Variants in TCF7L2 observed in about 807,000 individuals in gnomAD.
The protein encoded by TCF7L2 is transcription factor 7 like 2.
TCF7L2 carries 23 observed loss-of-function variants against 77.9 expected under a neutral mutation model. The ratio of observed to expected loss-of-function variants is 0.30; its 90% CI spans 0.21 to 0.42. The LOEUF (loss-of-function observed/expected upper bound fraction) is 0.42, where lower values mean the gene tolerates loss of function less well. Ranked by LOEUF, TCF7L2 falls within the 10% of genes least tolerant of loss-of-function variation. TCF7L2 has a pLI of 1.00. For missense variants in TCF7L2, 654 were observed against 793.1 expected (o/e 0.82, Z 2.11); for synonymous variants, 413 against 340.2 (o/e 1.21, Z -2.36).
chr10:113,127,771 A>T (rs889002066), intron 5 of TCF7L2, among the ~76,000 whole-genome samples: 5 of 150,944 alleles, frequency 3.3e-5, no homozygotes, highest in African/African-American at 1.2e-4. Flanking sequence ...GTTTCTGAGG[A>T]GCAGTTTTTA....
At chr10:113,142,138 G>A (rs569218371) in intron 6 of TCF7L2, among the ~76,000 whole-genome samples, 1 of 152,306 alleles carries the variant, frequency 6.6e-6, no homozygotes, top group East Asian at 1.9e-4. Context: ...CCAAGTAGCT[G>A]GGACTACAGG....
chr10:113,118,520 G>GGGTGTGTGTGT (rs1555084613), intron 5 of TCF7L2, among the ~76,000 whole-genome samples: 1 of 141,442 alleles, frequency 7.1e-6, no homozygotes, highest in Admixed American at 7.2e-5. Flanking sequence ...TCATCTGGGG[G>GGGTGTGTGTGT]GTGTGTGTGT....
intron 5 of TCF7L2, among the ~76,000 whole-genome samples, chr10:113,135,157 C>T (rs1466846656): frequency 6.6e-6 from 1 of 152,174 alleles, no homozygotes; most frequent in African/African-American, 2.4e-5. Flanking sequence ...CTTTCACTTG[C>T]CAAGTTCCAA....
chr10:113,142,616 A>G (rs1041249279), intron 6 of TCF7L2, among the ~76,000 whole-genome samples: 1 of 152,132 alleles, frequency 6.6e-6, no homozygotes, highest in Non-Finnish European at 1.5e-5. Flanking sequence ...CTGCCCCTGA[A>G]CGAAGCCACA....
intron 7 of TCF7L2, among the ~76,000 whole-genome samples, chr10:113,145,485 G>GA (rs2069195989): frequency 6.6e-6 from 1 of 151,948 alleles, no homozygotes; most frequent in Admixed American, 6.6e-5. Flanking sequence ...TCTTCTTGGG[G>GA]ACTCTCCCCC....
intron 4 of TCF7L2, among the ~76,000 whole-genome samples, chr10:113,005,305 C>A (rs191757896): frequency 3.8e-4 from 58 of 152,308 alleles, no homozygotes; most frequent in Admixed American, 1.4e-3. Flanking sequence ...GGGAGAAAGA[C>A]TGGGTCTCAG....
intron 4 of TCF7L2, among the ~76,000 whole-genome samples, chr10:112,976,864 A>G (rs536151544): frequency 3.9e-5 from 6 of 152,272 alleles, no homozygotes; most frequent in Non-Finnish European, 8.8e-5. Flanking sequence ...CTTAGAGACT[A>G]TGGCATCATC....
At chr10:113,116,997 C>G (rs2063807482) in intron 5 of TCF7L2, among the ~76,000 whole-genome samples, 1 of 152,108 alleles carries the variant, frequency 6.6e-6, no homozygotes, top group Non-Finnish European at 1.5e-5. Context: ...TCATTGCAGT[C>G]AAATCACAAG....
chr10:112,978,575 C>T (rs1293856081), intron 4 of TCF7L2, among the ~76,000 whole-genome samples: 2 of 151,486 alleles, frequency 1.3e-5, no homozygotes, highest in Non-Finnish European at 2.9e-5. Flanking sequence ...ATGCGATTCT[C>T]CTGCCTCAGC....
chr10:112,973,750 C>T (rs926375758), intron 4 of TCF7L2, among the ~76,000 whole-genome samples: 3 of 152,062 alleles, frequency 2.0e-5, no homozygotes, highest in Admixed American at 6.6e-5. Flanking sequence ...CCACCACGCC[C>T]TGGCTAATTT....
At chr10:112,993,665 A>G (rs1233359887) in intron 4 of TCF7L2, among the ~76,000 whole-genome samples, 1 of 152,222 alleles carries the variant, frequency 6.6e-6, no homozygotes, top group African/African-American at 2.4e-5. Flanking sequence ...ACAGTGTTGG[A>G]CGATGAATCC....
At chr10:112,980,662 C>T (rs189685302) in intron 4 of TCF7L2, among the ~76,000 whole-genome samples, 304 of 150,402 alleles carry the variant, frequency 2.0e-3, no homozygotes, top group African/African-American at 7.0e-3. Context: ...CTCACTCTGT[C>T]GCCCAGCCTG....
chr10:113,048,048 G>T (rs962498866), intron 5 of TCF7L2, among the ~76,000 whole-genome samples: 1 of 152,168 alleles, frequency 6.6e-6, no homozygotes, highest in African/African-American at 2.4e-5. Flanking sequence ...TCTTGACTCT[G>T]CAGGGGGCTT....
In TCF7L2 at chr10:113,165,989, C is replaced by T. The variant is rs2074024054; in HGVS notation, c.*17C>T. On this transcript the variant is annotated 3_prime_UTR_variant, in exon 14 of 14. Coordinates refer to ENST00000627217, the MANE Select transcript of TCF7L2 (RefSeq NM_001146274.2). ...TTAGAATAGCTTTAGCGTCGTGAAC[C>T]CCGCTGCTTTGTTTATGGTTTTGTT... is the stretch of plus-strand genomic sequence containing the variant. The T allele has an allele frequency of 6.8e-7, 1 of 1,468,842 alleles. No individual in the cohort carries two copies. The highest frequency in any genetic ancestry group is 9.0e-7 in the Non-Finnish European group (1 of 1,107,366). 91.0% of individuals were successfully genotyped at this position (1,468,842 alleles called of 1,614,324 possible).
chr10:112,963,123 T>C (rs1273753822), intron 3 of TCF7L2, among the ~76,000 whole-genome samples: 1 of 152,190 alleles, frequency 6.6e-6, no homozygotes, highest in South Asian at 2.1e-4. Flanking sequence ...TAATGTTTTC[T>C]ATTTGTTTAT....
At chr10:113,107,039 T>C (rs2062417846) in intron 5 of TCF7L2, among the ~76,000 whole-genome samples, 1 of 152,234 alleles carries the variant, frequency 6.6e-6, no homozygotes, top group Non-Finnish European at 1.5e-5. Flanking sequence ...CTTCTGCCCT[T>C]AGCACTCCCA....
intron 4 of TCF7L2, among the ~76,000 whole-genome samples, chr10:112,986,828 G>A (rs1024152683): frequency 9.9e-5 from 15 of 152,134 alleles, no homozygotes; most frequent in Non-Finnish European, 1.8e-4. Context: ...GGGCATACTG[G>A]ATCCCTGTTT....
Position 113,141,271 on chromosome 10 carries a change from G to A in TCF7L2, c.640G>A (p.Gly214Arg), listed in dbSNP as rs2136840982. The change falls in exon 6 of 14, where the codon GGA (glycine) becomes AGA (arginine). Residue 214 changes from glycine (G) to arginine (R), a missense_variant. Coordinates refer to ENST00000627217, the MANE Select transcript of TCF7L2 (RefSeq NM_001146274.2). ...GTACAGCAATGAACACTTCACGCCGGGAAACCCACCTCCACACTTACCAGC... is the reference window on the plus strand; with the variant it reads ...GTACAGCAATGAACACTTCACGCCGAGAAACCCACCTCCACACTTACCAGC... 6.2e-7 allele frequency: 1 copy of A among 1,614,096 alleles called. No homozygotes were observed. Among genetic ancestry groups the A allele is most frequent in the Admixed American group, 1.7e-5 (1 of 60,012 alleles).
chr10:112,990,629 T>C lies in TCF7L2; in HGVS notation c.450+26005T>C, dbSNP rs114298148. Among the ~76,000 whole-genome samples the C allele has an allele frequency of 3.6e-3, 549 of 151,762 alleles. 4 individuals are homozygous for C. Among genetic ancestry groups the C allele is most frequent in the African/African-American group, 0.013 (533 of 41,376 alleles). ...GGCTGAGGTGGGCGGGCGATTGAGC[T>C]CAGGAGGTCCAGGCTGCAGTGAGCC... On this transcript the variant is annotated intron_variant, in intron 4 of 13. Transcript: ENST00000627217.
Sources: gnomAD v4.1 joint callset for allele counts (sites outside exome capture counted in the v4.1 genomes callset) on GRCh38, gnomAD v4.1.1 for gene constraint, MANE v1.5 for transcripts, NCBI Gene and HGNC (gene_info 2026-07-23, HGNC 2026-07-21) for gene names.